Variants in GUCY1A2 observed in about 807,000 individuals in gnomAD.
GUCY1A2 encodes the protein guanylate cyclase 1 soluble subunit alpha 2.
Under a neutral mutation model 63.5 loss-of-function variants are expected in GUCY1A2, and 27 were observed. That is an observed-to-expected ratio of 0.43 (90% CI 0.31 to 0.59). The LOEUF (loss-of-function observed/expected upper bound fraction) is 0.59, where lower values mean the gene tolerates loss of function less well. GUCY1A2 is among the 20% of genes least tolerant of loss of function. The probability of loss-of-function intolerance (pLI) is 0.11; values close to 1 mark genes in which losing one functional copy is unlikely to be tolerated. For synonymous variants in GUCY1A2, 364 were observed against 343.5 expected (o/e 1.06, Z -0.66); for missense variants, 768 against 913.3 (o/e 0.84, Z 2.05).
Position 106,680,721 on chromosome 11 carries a change from A to G in GUCY1A2, c.*6828T>C, listed in dbSNP as rs1407869673. The G allele has an allele frequency of 9.7e-6, 2 of 205,692 alleles. No individual in the cohort carries two copies. The highest frequency in any genetic ancestry group is 2.0e-5 in the Non-Finnish European group (2 of 100,536). 12.7% of individuals were successfully genotyped at this position (205,692 alleles called of 1,614,324 possible). A position where few individuals can be genotyped will look rare whatever the true frequency, so the allele number is the denominator to read the frequency against. The stretch of plus-strand genomic sequence containing the variant: ...TTGATTTTGATAGGGAAATTTTCCA[A>G]ACTGTGGGCAGGAGAATGCTAAAAT... On this transcript the variant is annotated 3_prime_UTR_variant, in exon 8 of 8. Coordinates refer to ENST00000526355, the MANE Select transcript of GUCY1A2 (RefSeq NM_000855.3).
chr11:106,742,312 C>G (rs1242740609), intron 6 of GUCY1A2, among the ~76,000 whole-genome samples: 1 of 152,146 alleles, frequency 6.6e-6, no homozygotes, highest in Non-Finnish European at 1.5e-5. Context: ...TATCTATTAG[C>G]TATTCTTCCT....
intron 4 of GUCY1A2, among the ~76,000 whole-genome samples, chr11:106,921,119 T>C (rs2119902516): frequency 6.6e-6 from 1 of 152,274 alleles, no homozygotes; most frequent in East Asian, 1.9e-4. Flanking sequence ...TGTAATATAA[T>C]TATATGATAC....
intron 6 of GUCY1A2, among the ~76,000 whole-genome samples, chr11:106,709,509 T>TAATAATATA (rs1863012706): frequency 1.9e-4 from 4 of 21,238 alleles, no homozygotes; most frequent in South Asian, 1.3e-3. Flanking sequence ...ATAATATATA[T>TAATAATATA]TATTCTATAA....
chr11:106,948,337 T>C (rs1267624300), intron 3 of GUCY1A2, among the ~76,000 whole-genome samples: 1 of 152,136 alleles, frequency 6.6e-6, no homozygotes, highest in African/African-American at 2.4e-5. Context: ...GAATAAATCA[T>C]CATGACCAAG....
intron 4 of GUCY1A2, among the ~76,000 whole-genome samples, chr11:106,888,396 C>T (rs143779834): frequency 2.1e-4 from 32 of 151,690 alleles, no homozygotes; most frequent in Non-Finnish European, 4.1e-4. Flanking sequence ...ACCCAGGAGG[C>T]GGAGCTTGCA....
chr11:106,810,945 A>G (rs1165173973), intron 4 of GUCY1A2, among the ~76,000 whole-genome samples: 1 of 152,090 alleles, frequency 6.6e-6, no homozygotes, highest in Non-Finnish European at 1.5e-5. Flanking sequence ...AATTGGCCTT[A>G]TGTAAATCAT....
intron 4 of GUCY1A2, among the ~76,000 whole-genome samples, chr11:106,870,604 G>C (rs924111527): frequency 2.0e-5 from 3 of 151,948 alleles, no homozygotes; most frequent in African/African-American, 7.3e-5. Flanking sequence ...AAGTTTGTAG[G>C]GGTGGGAATT....
chr11:106,726,426 C>CA, intron 6 of GUCY1A2, among the ~76,000 whole-genome samples: 1 of 152,020 alleles, frequency 6.6e-6, no homozygotes, highest in Admixed American at 6.5e-5. Flanking sequence ...CAGAACAAAA[C>CA]AAAAACAAAA....
intron 4 of GUCY1A2, among the ~76,000 whole-genome samples, chr11:106,938,030 T>C (rs1042473922): frequency 6.6e-6 from 1 of 152,072 alleles, no homozygotes; most frequent in African/African-American, 2.4e-5. Flanking sequence ...CTCTGCCTCC[T>C]GGGTTCAAGC....
At chr11:106,965,134 C>G (rs1861111398) in intron 3 of GUCY1A2, among the ~76,000 whole-genome samples, 1 of 151,658 alleles carries the variant, frequency 6.6e-6, no homozygotes, top group Non-Finnish European at 1.5e-5. Context: ...TCACAATTAC[C>G]ACTTATTTTT....
chr11:107,003,098 A>G (rs1861630360), intron 1 of GUCY1A2, among the ~76,000 whole-genome samples: 1 of 152,022 alleles, frequency 6.6e-6, no homozygotes, highest in South Asian at 2.1e-4. Flanking sequence ...ACTCTAATAA[A>G]CTTAGATTTG....
intron 4 of GUCY1A2, among the ~76,000 whole-genome samples, chr11:106,879,350 T>G (rs756017870): frequency 1.3e-5 from 2 of 151,906 alleles, no homozygotes; most frequent in Non-Finnish European, 2.9e-5. Flanking sequence ...ATCTTGGGAG[T>G]GATAAAACAT....
At chr11:106,995,276 C>T (rs1373197856) in intron 1 of GUCY1A2, among the ~76,000 whole-genome samples, 1 of 152,124 alleles carries the variant, frequency 6.6e-6, no homozygotes, top group Non-Finnish European at 1.5e-5. Flanking sequence ...TCAAAATAAT[C>T]TTACAAGAGA....
chr11:106,809,944 C>A, intron 5 of GUCY1A2, 49 bp downstream of exon 5: 1 of 1,207,438 alleles, frequency 8.3e-7, no homozygotes, highest in Non-Finnish European at 1.2e-6. Flanking sequence ...ATTCACATGA[C>A]AATTTACTAT....
intron 5 of GUCY1A2, among the ~76,000 whole-genome samples, chr11:106,801,339 C>A (rs368784243): frequency 7.2e-5 from 11 of 152,036 alleles, no homozygotes; most frequent in African/African-American, 2.4e-4. Flanking sequence ...CTATTGTTTT[C>A]ATTTTAAAAA....
At chr11:106,712,366 A>T (rs1863135156) in intron 6 of GUCY1A2, among the ~76,000 whole-genome samples, 1 of 152,186 alleles carries the variant, frequency 6.6e-6, no homozygotes, top group Non-Finnish European at 1.5e-5. Context: ...AATTTTTAAA[A>T]ATCTTCCAGG....
intron 4 of GUCY1A2, among the ~76,000 whole-genome samples, chr11:106,846,833 G>A (rs537167756): frequency 7.3e-5 from 11 of 151,502 alleles, no homozygotes; most frequent in African/African-American, 2.7e-4. Context: ...GTGAAATAGA[G>A]AATTCAATAG....
At chr11:106,987,414 GC>G (rs1366995351) in intron 1 of GUCY1A2, among the ~76,000 whole-genome samples, 1 of 152,192 alleles carries the variant, frequency 6.6e-6, no homozygotes, top group Non-Finnish European at 1.5e-5. Flanking sequence ...ACTTTGGGAG[GC>G]CGAGGCACGT....
chr11:107,015,696 A>C (rs1197455271), intron 1 of GUCY1A2, among the ~76,000 whole-genome samples: 1 of 150,092 alleles, frequency 6.7e-6, no homozygotes, highest in Admixed American at 6.8e-5. Context: ...TAACTATTTT[A>C]TTGCACAAAT....
Sources: gnomAD v4.1 joint callset for allele counts (sites outside exome capture counted in the v4.1 genomes callset) on GRCh38, gnomAD v4.1.1 for gene constraint, MANE v1.5 for transcripts, NCBI Gene and HGNC (gene_info 2026-07-23, HGNC 2026-07-21) for gene names.